DOK5: variants seen among roughly 807,000 people sequenced by gnomAD.
The protein encoded by DOK5 is downstream of tyrosine kinase 5.
In DOK5, 27 loss-of-function variants were observed where a neutral mutation model predicts 43.3. That is an observed-to-expected ratio of 0.62 (90% CI 0.46 to 0.86). DOK5 has a LOEUF of 0.86. Among genes scored for constraint, DOK5 ranks in the 40% least tolerant of loss-of-function variants. The pLI is 0.00. For missense variants in DOK5, 373 were observed against 392.9 expected, an observed-to-expected ratio of 0.95 and a Z score of 0.43; for synonymous variants, 146 against 140.1, an observed-to-expected ratio of 1.04 and a Z score of -0.30.
chr20:54,593,512 ATTAC>A (rs1369036936), intron 5 of DOK5, among the ~76,000 whole-genome samples: 1 of 152,184 alleles, frequency 6.6e-6, no homozygotes, highest in Non-Finnish European at 1.5e-5. Context: ...TTTTGTGAGA[ATTAC>A]TTATTTATTC....
intron 1 of DOK5, among the ~76,000 whole-genome samples, chr20:54,510,159 T>C (rs1324446613): frequency 6.6e-6 from 1 of 152,200 alleles, no homozygotes; most frequent in Non-Finnish European, 1.5e-5. Context: ...TTGCATTCTT[T>C]ATTCATATGG....
chr20:54,554,815 G>A, intron 1 of DOK5, 118 bp from the exon 2 acceptor site: 4 of 656,402 alleles, frequency 6.1e-6, no homozygotes, highest in Middle Eastern at 2.5e-4. Flanking sequence ...TTTTCACAAA[G>A]CAACATCACA....
At chr20:54,561,634 A>G (rs544348452) in intron 2 of DOK5, among the ~76,000 whole-genome samples, 2 of 152,320 alleles carry the variant, frequency 1.3e-5, no homozygotes, top group East Asian at 3.9e-4. Context: ...TGAGAGGAAT[A>G]AACTTCTTTC....
chr20:54,609,919 C>G (rs2146792341), intron 5 of DOK5, among the ~76,000 whole-genome samples: 1 of 152,214 alleles, frequency 6.6e-6, no homozygotes, highest in Non-Finnish European at 1.5e-5. Flanking sequence ...GGAAAGAATC[C>G]TTAAAGTCAT....
chr20:54,565,628 T>A (rs16999786), intron 2 of DOK5, among the ~76,000 whole-genome samples: 11,122 of 152,140 alleles, frequency 0.073, 1,161 homozygotes, highest in African/African-American at 0.23. Context: ...GAAAACATAA[T>A]CTACATGTAT....
At chr20:54,522,947 G>T (rs1983463029) in intron 1 of DOK5, among the ~76,000 whole-genome samples, 1 of 152,176 alleles carries the variant, frequency 6.6e-6, no homozygotes, top group African/African-American at 2.4e-5. Context: ...TCTTAAGTAA[G>T]GTTGAGTGGG....
At chr20:54,551,663 C>CT (rs1209261681) in intron 1 of DOK5, among the ~76,000 whole-genome samples, 7 of 152,136 alleles carry the variant, frequency 4.6e-5, no homozygotes, top group African/African-American at 1.7e-4. Context: ...GAAAAGTTTG[C>CT]TTTTCTTCCA....
intron 5 of DOK5, among the ~76,000 whole-genome samples, chr20:54,608,358 T>A (rs1986536919): frequency 6.6e-6 from 1 of 152,216 alleles, no homozygotes; most frequent in African/African-American, 2.4e-5. Context: ...CTTGACAAAT[T>A]AATATTTCCT....
intron 2 of DOK5, among the ~76,000 whole-genome samples, chr20:54,558,836 A>C (rs181965823): frequency 2.8e-4 from 43 of 152,094 alleles, no homozygotes; most frequent in South Asian, 1.0e-3. Flanking sequence ...TGCATATCTG[A>C]CTCTTTTTAG....
chr20:54,644,432 C>T (rs1424845708), intron 7 of DOK5, among the ~76,000 whole-genome samples: 3 of 151,866 alleles, frequency 2.0e-5, no homozygotes, highest in African/African-American at 4.8e-5. Flanking sequence ...AGGCCGGGCG[C>T]AGTGGCTCAC....
chr20:54,568,524 T>A (rs974845382), intron 2 of DOK5, among the ~76,000 whole-genome samples: 5 of 152,226 alleles, frequency 3.3e-5, no homozygotes, highest in African/African-American at 1.2e-4. Flanking sequence ...AAAATTCTAT[T>A]GACAAAAGAT....
intron 2 of DOK5, 73 bp from the exon 3 acceptor site, chr20:54,588,410 C>A: frequency 2.4e-6 from 3 of 1,248,050 alleles, no homozygotes; most frequent in South Asian, 2.4e-5. Context: ...GATTTCCGGG[C>A]CTCACCTTTG....
chr20:54,475,635 C>T lies in DOK5; in HGVS notation c.-312C>T. 2.1e-6 allele frequency: 1 copy of T among 477,308 alleles called. No individual in the cohort carries two copies. The highest frequency in any genetic ancestry group is 2.3e-5 in the South Asian group (1 of 42,796). 29.6% of individuals were successfully genotyped at this position (477,308 alleles called of 1,614,324 possible). On this transcript the variant is annotated 5_prime_UTR_variant, in exon 1 of 8. Coordinates refer to ENST00000262593, the MANE Select transcript of DOK5 (RefSeq NM_018431.5). The surrounding 1 kb of genome is among the most constrained non-coding windows in gnomAD (Gnocchi z 4.2). Reference sequence around the variant, plus strand: ...CGGCCGGGAGGAGGCAGGGCTGGATCCCTCAGCCGCCGCCGCTCCTCCTCC... The same window carrying T: ...CGGCCGGGAGGAGGCAGGGCTGGATTCCTCAGCCGCCGCCGCTCCTCCTCC...
chr20:54,611,576 T>A (rs6064090), intron 6 of DOK5, among the ~76,000 whole-genome samples: 37,525 of 138,770 alleles, frequency 0.27, 5,772 homozygotes, highest in African/African-American at 0.44. Flanking sequence ...TTAAAAAAAA[T>A]AATAATAATT....
intron 1 of DOK5, among the ~76,000 whole-genome samples, chr20:54,491,444 T>C (rs1222406156): frequency 6.6e-6 from 1 of 152,220 alleles, no homozygotes; most frequent in Non-Finnish European, 1.5e-5. Context: ...TCTTGATTCT[T>C]GTAGCCTTTT....
At chr20:54,624,190 G>A (rs1397893928) in intron 6 of DOK5, among the ~76,000 whole-genome samples, 1 of 152,172 alleles carries the variant, frequency 6.6e-6, no homozygotes, top group Admixed American at 6.5e-5. Flanking sequence ...AAAACAATAT[G>A]TGAATACATG....
At position 54,650,456 on chromosome 20, in the gene DOK5, C is replaced by T; in HGVS notation, c.898C>T (p.Pro300Ser). The part of the protein sequence containing the change: ...PLKLHRTETF[P>S]AYRSEH ...GAAGCTTCATCGAACAGAGACTTTT[C>T]CAGCCTACAGATCTGAGCACTGACA... The change falls in exon 8 of 8, where the codon CCA becomes TCA. Residue 300 changes from proline to serine, a missense_variant. Physicochemically the swap from Pro to Ser is moderately conservative, Grantham distance 74. Transcript: ENST00000262593. The T allele has an allele frequency of 6.2e-7, 1 of 1,614,054 alleles. No individual in the cohort carries two copies. The highest frequency in any genetic ancestry group is 8.5e-7 in the Non-Finnish European group (1 of 1,180,008).
intron 1 of DOK5, among the ~76,000 whole-genome samples, chr20:54,544,029 TACTTC>T (rs1984256208): frequency 6.6e-6 from 1 of 152,232 alleles, no homozygotes; most frequent in Non-Finnish European, 1.5e-5. Flanking sequence ...CGTGCTAATT[TACTTC>T]ACCACCAGGA....
intron 1 of DOK5, among the ~76,000 whole-genome samples, chr20:54,476,555 C>T (rs1336310770): frequency 6.6e-6 from 1 of 152,106 alleles, no homozygotes; most frequent in Non-Finnish European, 1.5e-5. Context: ...GCGGGCTGGC[C>T]TCTGGTCGGG....
Sources: gnomAD v4.1 joint callset for allele counts (sites outside exome capture counted in the v4.1 genomes callset) on GRCh38, gnomAD v4.1.1 for gene constraint, Gnocchi (gnomAD v3.1) non-coding constraint, MANE v1.5 for transcripts, NCBI Gene and HGNC (gene_info 2026-07-23, HGNC 2026-07-21) for gene names.